Variants in SOX5 observed in about 807,000 individuals in gnomAD.
SOX5 encodes the protein transcription factor SOX-5.
A neutral mutation model predicts 92.0 loss-of-function variants in SOX5; 9 were observed. That is an observed-to-expected ratio of 0.10 (90% CI 0.06 to 0.17). The LOEUF is 0.17. SOX5 is among the 10% of genes least tolerant of loss of function. The pLI is 1.00. For missense variants in SOX5, 642 were observed against 944.5 expected, an observed-to-expected ratio of 0.68 and a Z score of 4.20; for synonymous variants, 344 against 336.3, an observed-to-expected ratio of 1.02 and a Z score of -0.25.
At chr12:23,779,814 T>TATATATAC (rs777013504) in intron 3 of SOX5, among the ~76,000 whole-genome samples, 196 of 110,774 alleles carry the variant, frequency 1.8e-3, no homozygotes, top group African/African-American at 3.2e-3. Flanking sequence ...TATATATATA[T>TATATATAC]ACACACACAC....
In SOX5 at chr12:24,533,536, C is replaced by T. The variant is rs1841647181; in HGVS notation, c.-251+28793G>A. Among the ~76,000 whole-genome samples, 5 of 152,052 alleles carry T rather than the reference C, an allele frequency of 3.3e-5. No individual in the cohort carries two copies. In the South Asian group the frequency reaches 1.0e-3, roughly 32 times the overall value. ...AGGGATAAAGAAGGTATGTTGTTTT[C>T]AAAATTAAAATTTTCAGGACATCAG... On this transcript the variant is annotated intron_variant, in intron 1 of 4. Coordinates refer to the SOX5 transcript ENST00000446891.
intron 3 of SOX5, among the ~76,000 whole-genome samples, chr12:24,270,810 G>A (rs1943638189): frequency 6.6e-6 from 1 of 152,144 alleles, no homozygotes; most frequent in East Asian, 1.9e-4. Flanking sequence ...TCTGTATTCT[G>A]ATGTGTCTTG....
At chr12:24,275,914 G>A (rs11047343) in intron 3 of SOX5, among the ~76,000 whole-genome samples, 24,920 of 151,878 alleles carry the variant, frequency 0.16, 2,420 homozygotes, top group Middle Eastern at 0.24. Flanking sequence ...GATAAGTGAG[G>A]CATAGCTTTG....
chr12:23,740,983 G>C lies in SOX5; in HGVS notation c.625C>G (p.Leu209Val). The change falls in exon 5 of 15, where the codon CTG (leucine) becomes GTG (valine). Residue 209 changes from leucine to valine, a missense_variant. By Grantham distance (32) the Leu-to-Val change is conservative (BLOSUM62 1). Around this residue, in one of 8 missense-constraint regions of SOX5, gnomAD observed 324 missense variants for 461.6 expected, o/e 0.70. Coordinates refer to ENST00000451604, the MANE Select transcript of SOX5 (RefSeq NM_006940.6). ...AACAGCTGCTCTCGGAGGCTGGTCA[G>C]CTGGTTGATCATACCCATGAGTTGC... ...ERQLMGMINQ[L>V]TSLREQLLAA... 6.2e-7 allele frequency: 1 copy of C among 1,612,484 alleles called. No homozygotes were observed. Among genetic ancestry groups the C allele is most frequent in the Non-Finnish European group, 8.5e-7 (1 of 1,178,872 alleles).
chr12:23,600,611 A>G (rs1434749840), intron 9 of SOX5, among the ~76,000 whole-genome samples: 2 of 147,604 alleles, frequency 1.4e-5, no homozygotes, highest in Non-Finnish European at 3.0e-5. Context: ...AAAGTAACTC[A>G]TGACAATATG....
chr12:24,339,524 G>T (rs1399743148), intron 2 of SOX5, among the ~76,000 whole-genome samples: 1 of 152,164 alleles, frequency 6.6e-6, no homozygotes, highest in African/African-American at 2.4e-5. Flanking sequence ...TAGAGATTGG[G>T]GGACTTATTC....
intron 4 of SOX5, among the ~76,000 whole-genome samples, chr12:24,006,733 T>A (rs1028536673): frequency 6.6e-6 from 1 of 151,804 alleles, no homozygotes; most frequent in Non-Finnish European, 1.5e-5. Flanking sequence ...TCCTCACCTG[T>A]CTTATTTATT....
chr12:24,384,150 A>G (rs533095534), intron 1 of SOX5, among the ~76,000 whole-genome samples: 3 of 152,184 alleles, frequency 2.0e-5, no homozygotes, highest in Middle Eastern at 3.4e-3. Flanking sequence ...TTTATAAATT[A>G]CCCAGTCTCA....
intron 3 of SOX5, among the ~76,000 whole-genome samples, chr12:24,218,598 C>CA (rs1959624079): frequency 6.6e-6 from 1 of 152,098 alleles, no homozygotes; most frequent in African/African-American, 2.4e-5. Context: ...AAAACATTGA[C>CA]ATGAACACTT....
intron 1 of SOX5, among the ~76,000 whole-genome samples, chr12:24,536,574 T>TTTCAAAAA (rs1951662960): frequency 3.3e-5 from 5 of 152,208 alleles, no homozygotes. Context: ...ACAGTTTAGA[T>TTTCAAAAA]AGTAAATAAA....
intron 6 of SOX5, among the ~76,000 whole-genome samples, chr12:23,682,483 T>C (rs2086781778): frequency 6.6e-6 from 1 of 151,830 alleles, no homozygotes; most frequent in African/African-American, 2.4e-5. Context: ...TCATTAAAAT[T>C]GCTGTGTTTG....
intron 2 of SOX5, among the ~76,000 whole-genome samples, chr12:24,323,536 T>C (rs1950403658): frequency 1.3e-5 from 2 of 152,056 alleles, no homozygotes; most frequent in African/African-American, 4.8e-5. Flanking sequence ...TAACATGTTT[T>C]AAAAATTAAT....
At chr12:24,361,648 C>T (rs913109125) in intron 2 of SOX5, among the ~76,000 whole-genome samples, 8 of 151,506 alleles carry the variant, frequency 5.3e-5, no homozygotes, top group East Asian at 1.9e-4. Flanking sequence ...TGTGTGTGTG[C>T]GCATGCACGT....
At position 23,662,524 on chromosome 12, in the gene SOX5, C is replaced by T. The variant is rs180872801; in HGVS notation, c.931+2920G>A. Among the ~76,000 whole-genome samples, 466 of 152,300 alleles carry T rather than the reference C, an allele frequency of 3.1e-3. 3 individuals are homozygous for T. The highest frequency in any genetic ancestry group is 4.7e-3 in the Non-Finnish European group (318 of 68,016). On this transcript the variant is annotated intron_variant, in intron 7 of 14. Transcript: ENST00000451604. ...TGTTTAAATGATATACATTCTAGTA[C>T]TCAAGAGAGGCTCAGCAACCACATT... is the stretch of plus-strand genomic sequence containing the variant.
intron 1 of SOX5, among the ~76,000 whole-genome samples, chr12:23,918,900 T>C (rs1020796980): frequency 7.1e-6 from 1 of 141,318 alleles, no homozygotes; most frequent in South Asian, 2.2e-4. Flanking sequence ...CTGGAAAACA[T>C]AGCAAGACTC....
At chr12:24,510,901 G>A (rs1949245298) in intron 1 of SOX5, among the ~76,000 whole-genome samples, 1 of 152,118 alleles carries the variant, frequency 6.6e-6, no homozygotes, top group Admixed American at 6.5e-5. Context: ...GCTGAAAGGG[G>A]GAATGGAGGA....
intron 6 of SOX5, among the ~76,000 whole-genome samples, chr12:23,725,190 C>A (rs12316834): frequency 0.12 from 18,444 of 152,106 alleles, 1,344 homozygotes; most frequent in African/African-American, 0.19. Flanking sequence ...AAAATGTGAA[C>A]TTTGAAGTGC....
chr12:23,692,315 T>C (rs2088982515), intron 6 of SOX5, among the ~76,000 whole-genome samples: 1 of 151,648 alleles, frequency 6.6e-6, no homozygotes, highest in African/African-American at 2.4e-5. Flanking sequence ...CCGGCGCCTG[T>C]AATCCCAGCT....
chr12:24,062,977 T>C (rs1338578670), intron 4 of SOX5, among the ~76,000 whole-genome samples: 3 of 152,372 alleles, frequency 2.0e-5, no homozygotes, highest in East Asian at 3.9e-4. Context: ...AAAGGCACAA[T>C]GTTATACTAT....
Sources: allele counts gnomAD v4.1 joint callset (sites outside exome capture counted in the v4.1 genomes callset), GRCh38; gene constraint gnomAD v4.1.1; regional missense constraint gnomAD v4.1.1; transcripts MANE v1.5; gene names NCBI Gene and HGNC (gene_info 2026-07-23, HGNC 2026-07-21).